Variants in NCOA1 observed in about 807,000 individuals in gnomAD.
The protein encoded by NCOA1 is nuclear receptor coactivator 1, also known as Hin-2 protein.
In NCOA1, 35 loss-of-function variants were observed where a neutral mutation model predicts 150.9. The ratio of observed to expected loss-of-function variants is 0.23; its 90% CI spans 0.18 to 0.31. The LOEUF (loss-of-function observed/expected upper bound fraction) is 0.31. Ranked by LOEUF, NCOA1 falls within the 10% of genes least tolerant of loss-of-function variation. The pLI is 1.00. For synonymous variants in NCOA1, 590 were observed against 630.0 expected, an observed-to-expected ratio of 0.94 and a Z score of 0.95; for missense variants, 1,491 against 1,749.3, an observed-to-expected ratio of 0.85 and a Z score of 2.63.
chr2:24,668,003 C>T (rs532584755), intron 6 of NCOA1, among the ~76,000 whole-genome samples: 2 of 152,164 alleles, frequency 1.3e-5, no homozygotes, highest in African/African-American at 2.4e-5. Context: ...TAGAGTTCCA[C>T]GAGGGCAAGC....
rs72387328 is a variant in NCOA1 at position 24,503,733 on chromosome 2, GTT to G, written c.-396+12149_-396+12150del. 2.0e-3 allele frequency among the ~76,000 whole-genome samples: 266 copies of G among 132,038 alleles called. 1 individual carries two copies. In the Middle Eastern group the frequency reaches 0.02, roughly 10 times the overall value. 86.6% of individuals were successfully genotyped at this position (132,038 alleles called of 152,430 possible). A position where few individuals can be genotyped will look rare whatever the true frequency, so the allele number is the denominator to read the frequency against. ...TTTTTTATCATGTATACTTGTCTCTGTTTTTTTTTTTTTTTTTTTAAGACAAG... is the reference window on the plus strand; with the variant it reads ...TTTTTTATCATGTATACTTGTCTCTGTTTTTTTTTTTTTTTTTAAGACAAG... On this transcript the variant is annotated intron_variant, in intron 1 of 22. Transcript: ENST00000348332.
intron 1 of NCOA1, among the ~76,000 whole-genome samples, chr2:24,561,940 A>G (rs188367215): frequency 4.6e-4 from 70 of 152,302 alleles, no homozygotes; most frequent in Admixed American, 3.5e-3. Context: ...GAATACCTTA[A>G]TGTTGCTAGG....
chr2:24,494,302 T>A (rs1377080530), intron 1 of NCOA1, among the ~76,000 whole-genome samples: 1 of 152,242 alleles, frequency 6.6e-6, no homozygotes, highest in Non-Finnish European at 1.5e-5. Context: ...TCTCCCTGCT[T>A]GGTTGTCATC....
intron 21 of NCOA1, among the ~76,000 whole-genome samples, chr2:24,758,900 A>G (rs1184747554): frequency 2.0e-5 from 3 of 152,100 alleles, no homozygotes; most frequent in Non-Finnish European, 4.4e-5. Context: ...AGGCATGAGA[A>G]TTGCTTGAAC....
chr2:24,601,137 A>T (rs1182802355), intron 3 of NCOA1, among the ~76,000 whole-genome samples: 2 of 152,092 alleles, frequency 1.3e-5, no homozygotes, highest in Non-Finnish European at 2.9e-5. Context: ...GTTCATTTAT[A>T]AGAGTTAATG....
chr2:24,743,251 C>G (rs190653504), intron 19 of NCOA1, among the ~76,000 whole-genome samples: 9 of 152,290 alleles, frequency 5.9e-5, no homozygotes, highest in Non-Finnish European at 2.9e-5. Context: ...GAGAAAGCTG[C>G]TGTTTGACTT....
chr2:24,533,489 T>G (rs1038184492), intron 1 of NCOA1, among the ~76,000 whole-genome samples: 1 of 152,188 alleles, frequency 6.6e-6, no homozygotes, highest in Non-Finnish European at 1.5e-5. Context: ...CTATGTAGAA[T>G]AGGAATGGTG....
chr2:24,554,671 G>T (rs1391914999), intron 1 of NCOA1: 2 of 152,178 alleles, frequency 1.3e-5, no homozygotes, highest in South Asian at 4.1e-4. Context: ...TGAATCCTCC[G>T]TGAAAGGAAG....
intron 14 of NCOA1, among the ~76,000 whole-genome samples, chr2:24,713,646 T>C (rs1673871404): frequency 6.6e-6 from 1 of 152,192 alleles, no homozygotes; most frequent in Non-Finnish European, 1.5e-5. Context: ...AAACAATTCT[T>C]GTAAGCCAAT....
At chr2:24,552,173 T>G (rs1210385868) in intron 1 of NCOA1, among the ~76,000 whole-genome samples, 1 of 151,456 alleles carries the variant, frequency 6.6e-6, no homozygotes, top group African/African-American at 2.4e-5. Context: ...GCTTGTCAGT[T>G]TTTTTAAAAA....
chr2:24,540,489 G>A (rs1271584071), intron 1 of NCOA1, among the ~76,000 whole-genome samples: 6 of 148,818 alleles, frequency 4.0e-5, no homozygotes, highest in East Asian at 2.0e-4. Flanking sequence ...ACGGAGTTTC[G>A]CTTTTGTCAC....
intron 1 of NCOA1, among the ~76,000 whole-genome samples, chr2:24,513,844 T>G (rs940262720): frequency 6.6e-6 from 1 of 152,186 alleles, no homozygotes; most frequent in East Asian, 1.9e-4. Flanking sequence ...CAGCAATTTC[T>G]CCGGCCAACT....
chr2:24,739,827 G>A (rs1187016022), intron 18 of NCOA1, among the ~76,000 whole-genome samples: 1 of 152,098 alleles, frequency 6.6e-6, no homozygotes, highest in Non-Finnish European at 1.5e-5. Context: ...CCAGTAACAG[G>A]AAGCCTCTGA....
intron 22 of NCOA1, among the ~76,000 whole-genome samples, chr2:24,763,564 A>G (rs944572610): frequency 2.9e-5 from 4 of 137,652 alleles, no homozygotes; most frequent in Admixed American, 7.3e-5. Flanking sequence ...AAAATTTTGG[A>G]GGAAGGGCTT....
At chr2:24,762,567 C>G (rs1335758538) in intron 21 of NCOA1, 120 bp from the exon 22 acceptor site, 5 of 836,024 alleles carry the variant, frequency 6.0e-6, no homozygotes, top group Non-Finnish European at 9.8e-6. Context: ...AATTGCTAAG[C>G]TTTTCATTTT....
At chr2:24,760,530 C>T (rs1664740306) in intron 21 of NCOA1, among the ~76,000 whole-genome samples, 1 of 152,076 alleles carries the variant, frequency 6.6e-6, no homozygotes, top group African/African-American at 2.4e-5. Flanking sequence ...CTTTCACCTT[C>T]ATCTTTGAAT....
chr2:24,495,746 A>G (rs1445888052), intron 1 of NCOA1, among the ~76,000 whole-genome samples: 3 of 152,220 alleles, frequency 2.0e-5, no homozygotes. Flanking sequence ...CCAGACAGAC[A>G]GAGGTGTCCT....
At chr2:24,543,553 A>G (rs2148200721) in intron 1 of NCOA1, among the ~76,000 whole-genome samples, 1 of 152,214 alleles carries the variant, frequency 6.6e-6, no homozygotes, top group Admixed American at 6.5e-5. Flanking sequence ...AACAGATACT[A>G]CAATGTAGTG....
At chr2:24,734,471 A>G (rs1663185790) in intron 17 of NCOA1, among the ~76,000 whole-genome samples, 1 of 152,178 alleles carries the variant, frequency 6.6e-6, no homozygotes, top group Admixed American at 6.5e-5. Flanking sequence ...TACTTGCTCT[A>G]CCGATATCAA....
Sources: allele counts gnomAD v4.1 joint callset (sites outside exome capture counted in the v4.1 genomes callset), GRCh38; gene constraint gnomAD v4.1.1; transcripts MANE v1.5; gene names NCBI Gene and HGNC (gene_info 2026-07-23, HGNC 2026-07-21).